The following SDAD1 variants were observed in gnomAD, a reference collection of about 807,000 sequenced individuals.
SDAD1 encodes the protein SDA1 domain containing 1.
In SDAD1, 79 loss-of-function variants were observed where a neutral mutation model predicts 100.3. The observed-to-expected ratio is 0.79, with a 90% CI of 0.66 to 0.95. SDAD1 has a LOEUF of 0.95. Among genes scored for constraint, SDAD1 ranks in the 40% least tolerant of loss-of-function variants. The pLI is 0.00. For synonymous variants in SDAD1, 267 were observed against 271.4 expected (o/e 0.98, Z 0.16); for missense variants, 790 against 810.9 (o/e 0.97, Z 0.31).
rs145274078 is a variant in SDAD1, at chr4:75,957,377, C to T, written c.1802G>A (p.Arg601His). 9.9e-5 allele frequency: 160 copies of T among 1,613,894 alleles called. No individual in the cohort carries two copies. Among genetic ancestry groups the T allele is most frequent in the Non-Finnish European group, 1.2e-4 (142 of 1,179,988 alleles). The change falls in exon 20 of 22, where the codon CGC becomes CAC. Residue 601 changes from arginine to histidine, a missense_variant. Transcript: ENST00000356260. ...GELLSLRDIE[R>H]LHKKPKSDKE... is the part of the protein sequence containing the mutation. The stretch of plus-strand genomic sequence containing the variant: ...GTCAGACTTTGGCTTTTTATGAAGG[C>T]GTTCAATGTCCCGAAGAGAAAGTAA...
rs771381043 is a variant in SDAD1 at position 75,957,390 on chromosome 4, G to C, written c.1789C>G (p.Arg597Gly). Residue 597 changes from arginine to glycine, a missense_variant, in exon 20 of 22, where the codon CGG (arginine) becomes GGG (glycine). Arg to Gly is a moderately radical substitution (Grantham distance 125). Coordinates refer to ENST00000356260, the MANE Select transcript of SDAD1 (RefSeq NM_018115.4). ...EEPRGELLSL[R>G]DIERLHKKPK... Reference sequence around the variant, plus strand: ...TTTTTATGAAGGCGTTCAATGTCCCGAAGAGAAAGTAATTCACCCCTGGGG... The same window carrying C: ...TTTTTATGAAGGCGTTCAATGTCCCCAAGAGAAAGTAATTCACCCCTGGGG... The C allele has an allele frequency of 3.1e-6, 5 of 1,613,878 alleles. No homozygotes were observed. In the African/African-American group the frequency reaches 5.3e-5, roughly 17 times the overall value.
intron 7 of SDAD1, among the ~76,000 whole-genome samples, chr4:75,973,634 A>C (rs1395373931): frequency 2.0e-5 from 3 of 152,156 alleles, no homozygotes; most frequent in Admixed American, 2.0e-4. Flanking sequence ...GACTGTCGAG[A>C]ATTTCTACAT....
At position 75,956,120 on chromosome 4, in the gene SDAD1, C is replaced by T. The variant is rs557777418; in HGVS notation, c.1871G>A (p.Arg624Gln). ...LATAMAGKTD[R>Q]KEFVRKKTKT... is the part of the protein sequence containing the mutation. Reference sequence around the variant, plus strand: ...GGTTTTCTTCCTCACAAATTCTTTTCGGTCTGTCTTTCCAGCCTACCAGAA... The same window carrying T: ...GGTTTTCTTCCTCACAAATTCTTTTTGGTCTGTCTTTCCAGCCTACCAGAA... Residue 624 changes from arginine to glutamine, a missense_variant, in exon 21 of 22, where the codon CGA becomes CAA. By Grantham distance (43) the Arg-to-Gln change is conservative. Transcript: ENST00000356260. 45 of 1,607,214 alleles carry T rather than the reference C, an allele frequency of 2.8e-5. No individual in the cohort carries two copies. The highest frequency in any genetic ancestry group is 6.7e-5 in the South Asian group (6 of 89,038).
At chr4:75,973,951 C>G in intron 7 of SDAD1, 125 bp downstream of exon 7, 1 of 721,932 alleles carries the variant, frequency 1.4e-6, no homozygotes, top group Non-Finnish European at 2.4e-6. Context: ...CTGAGTGATG[C>G]TTACTTCTAA....
chr4:75,984,762 TACAC>T (rs796775726), intron 1 of SDAD1, among the ~76,000 whole-genome samples: 1 of 72,850 alleles, frequency 1.4e-5, no homozygotes, highest in Non-Finnish European at 2.7e-5. Flanking sequence ...TTATGTGACA[TACAC>T]ACACACACAC....
chr4:75,966,267 T>TATACACACAC (rs1457699990), intron 12 of SDAD1, among the ~76,000 whole-genome samples: 1 of 139,178 alleles, frequency 7.2e-6, no homozygotes, highest in African/African-American at 2.6e-5. Context: ...AATGAATGCA[T>TATACACACAC]ACACACACAC....
intron 1 of SDAD1, among the ~76,000 whole-genome samples, chr4:75,983,901 T>A (rs1046999254): frequency 5.9e-5 from 9 of 152,160 alleles, no homozygotes; most frequent in Admixed American, 2.6e-4. Flanking sequence ...GGTTTTCTTC[T>A]AGGGTTTTTA....
Position 75,981,383 on chromosome 4 carries a change from C to G in SDAD1, c.283G>C (p.Asp95His). Residue 95 changes from aspartate (D) to histidine (H), a missense_variant, in exon 3 of 22, where the codon GAT (aspartate) becomes CAT (histidine). Transcript: ENST00000356260. Reference sequence around the variant, plus strand: ...ACTACTGGTCCTACCATTCGCAGATCTGGATCCAATACGGTATGATTGCAG... The same window carrying G: ...ACTACTGGTCCTACCATTCGCAGATGTGGATCCAATACGGTATGATTGCAG... ...LSCNHTVLDP[D>H]LRMTFCKALI... 1 of 1,613,888 alleles carries G rather than the reference C, an allele frequency of 6.2e-7. No homozygotes were observed. The highest frequency in any genetic ancestry group is 8.5e-7 in the Non-Finnish European group (1 of 1,179,816).
chr4:75,973,380 G>C lies in SDAD1; in HGVS notation c.648C>G (p.Ala216=). 1 of 1,612,928 alleles carries C rather than the reference G, an allele frequency of 6.2e-7. No homozygotes were observed. Among genetic ancestry groups the C allele is most frequent in the Non-Finnish European group, 8.5e-7 (1 of 1,179,324 alleles). The change falls in exon 8 of 22, where the codon GCC becomes GCG. Residue 216 remains alanine, a synonymous_variant. Coordinates refer to ENST00000356260, the MANE Select transcript of SDAD1 (RefSeq NM_018115.4). Reference sequence around the variant, plus strand: ...CTTTCCCAAGAAAGAATGTCAAAGCGGCAACTAATATCTAAACACCAATGA... The same window carrying C: ...CTTTCCCAAGAAAGAATGTCAAAGCCGCAACTAATATCTAAACACCAATGA... The part of the protein sequence containing the change: ...CFSKVTKILV[A]ALTFFLGKDE...
intron 21 of SDAD1, among the ~76,000 whole-genome samples, chr4:75,954,429 A>G (rs376176232): frequency 6.6e-6 from 1 of 151,778 alleles, no homozygotes; most frequent in African/African-American, 2.4e-5. Context: ...TCCTAGCGCT[A>G]TGGGAGGCTG....
intron 1 of SDAD1, among the ~76,000 whole-genome samples, chr4:75,983,847 T>C (rs917649371): frequency 6.6e-6 from 1 of 152,168 alleles, no homozygotes; most frequent in Non-Finnish European, 1.5e-5. Flanking sequence ...GGTGTTTTAG[T>C]CATTAAGTCT....
chr4:75,965,756 G>A lies in SDAD1; in HGVS notation c.1104+8C>T, dbSNP rs1430131384. Reference sequence around the variant, plus strand: ...CCTAGGTCCAGAAGTCAGGTTACAGGTTCTCACCTCTGGGGGTACTAGGTG... The same window carrying A: ...CCTAGGTCCAGAAGTCAGGTTACAGATTCTCACCTCTGGGGGTACTAGGTG... On this transcript the variant is annotated splice_region_variant and intron_variant, in intron 13 of 21. Transcript: ENST00000356260. 6.2e-7 allele frequency: 1 copy of A among 1,611,836 alleles called. No homozygotes were observed. Among genetic ancestry groups the A allele is most frequent in the Non-Finnish European group, 8.5e-7 (1 of 1,178,108 alleles).
intron 1 of SDAD1, among the ~76,000 whole-genome samples, chr4:75,986,557 C>T (rs1730907143): frequency 6.6e-6 from 1 of 152,148 alleles, no homozygotes; most frequent in Admixed American, 6.5e-5. Flanking sequence ...CCATCTAAGG[C>T]TAGCCCCTCC....
At chr4:75,988,407 CT>C (rs1731029704) in intron 1 of SDAD1, among the ~76,000 whole-genome samples, 1 of 152,116 alleles carries the variant, frequency 6.6e-6, no homozygotes, top group African/African-American at 2.4e-5. Flanking sequence ...ATCATTCTTC[CT>C]AAACATATGC....
chr4:75,971,395 T>A lies in SDAD1; in HGVS notation c.775A>T (p.Asn259Tyr), dbSNP rs749746308. The change falls in exon 9 of 22, where the codon AAC becomes TAC. Residue 259 changes from asparagine to tyrosine, a missense_variant. Coordinates refer to ENST00000356260, the MANE Select transcript of SDAD1 (RefSeq NM_018115.4). ...QYATGKKSSK[N>Y]KKKLEKAMKV... Reference sequence around the variant, plus strand: ...ATTGCCTTTTCCAACTTTTTCTTGTTTTTGGAACTTTTCTTCCCTGTAGCA... The same window carrying A: ...ATTGCCTTTTCCAACTTTTTCTTGTATTTGGAACTTTTCTTCCCTGTAGCA... The A allele has an allele frequency of 6.2e-7, 1 of 1,614,104 alleles. No homozygotes were observed. Among genetic ancestry groups the A allele is most frequent in the Non-Finnish European group, 8.5e-7 (1 of 1,179,988 alleles).
intron 1 of SDAD1, among the ~76,000 whole-genome samples, chr4:75,986,211 T>A (rs1034363869): frequency 6.6e-6 from 1 of 152,176 alleles, no homozygotes; most frequent in African/African-American, 2.4e-5. Flanking sequence ...ATCAAACTCC[T>A]GGGTTTAATC....
At chr4:75,985,731 A>G (rs552642914) in intron 1 of SDAD1, among the ~76,000 whole-genome samples, 96 of 152,230 alleles carry the variant, frequency 6.3e-4, no homozygotes, top group African/African-American at 2.3e-3. Flanking sequence ...ACTCACTTCC[A>G]TGGTCACACC....
chr4:75,981,248 G>A, intron 3 of SDAD1, 124 bp downstream of exon 3: 1 of 883,036 alleles, frequency 1.1e-6, no homozygotes, highest in Non-Finnish European at 1.7e-6. Flanking sequence ...TTTTAGGAAA[G>A]GATAATACAT....
intron 1 of SDAD1, among the ~76,000 whole-genome samples, chr4:75,990,430 T>C (rs1251855173): frequency 6.6e-6 from 1 of 152,154 alleles, no homozygotes; most frequent in Non-Finnish European, 1.5e-5. Flanking sequence ...CGCGTGGAAG[T>C]TGGTGGTTGG....
Sources: allele counts gnomAD v4.1 joint callset (sites outside exome capture counted in the v4.1 genomes callset), GRCh38; gene constraint gnomAD v4.1.1; transcripts MANE v1.5; gene names NCBI Gene and HGNC (gene_info 2026-07-23, HGNC 2026-07-21).